LONP2: variants seen among roughly 807,000 people sequenced by gnomAD.
LONP2 encodes lon protease homolog 2, peroxisomal.
A neutral mutation model predicts 85.6 loss-of-function variants in LONP2; 60 were observed. The ratio of observed to expected loss-of-function variants is 0.70; its 90% confidence interval spans 0.57 to 0.87. The LOEUF (loss-of-function observed/expected upper bound fraction) is 0.87. Ranked by LOEUF, LONP2 falls within the 40% of genes least tolerant of loss-of-function variation. The pLI, the probability that LONP2 is intolerant of heterozygous loss-of-function variation, is 0.00. For missense variants in LONP2, 860 were observed against 1,063.5 expected (o/e 0.81, Z 2.66); for synonymous variants, 395 against 389.7 (o/e 1.01, Z -0.16).
At chr16:48,255,571 T>C (rs931423124) in intron 2 of LONP2, among the ~76,000 whole-genome samples, 1 of 152,212 alleles carries the variant, frequency 6.6e-6, no homozygotes, top group Non-Finnish European at 1.5e-5. Flanking sequence ...TTCACAGTGC[T>C]CAGATTCTAG....
rs151116774 is a variant in LONP2, at chr16:48,303,290, G to T, written c.1780G>T (p.Val594Leu). Residue 594 changes from valine (V) to leucine (L), a missense_variant, in exon 11 of 15, where the codon GTG becomes TTG. Physicochemically the swap from Val to Leu is conservative, Grantham distance 32. This residue lies in a region of LONP2 where 743 missense variants were observed against 917.3 expected (regional missense o/e 0.81). Coordinates refer to ENST00000285737, the MANE Select transcript of LONP2 (RefSeq NM_031490.5). ...HKEAKLDRSD[V>L]TEREGCREHI... ...GGAAGCCAAGTTGGACCGTTCTGATGTGACTGAGAGAGAAGGTTGGTGACC... is the reference window on the plus strand; with the variant it reads ...GGAAGCCAAGTTGGACCGTTCTGATTTGACTGAGAGAGAAGGTTGGTGACC... The T allele has an allele frequency of 8.7e-6, 14 of 1,613,350 alleles. No individual in the cohort carries two copies. In the African/African-American group the frequency reaches 1.9e-4, roughly 22 times the overall value.
intron 1 of LONP2, among the ~76,000 whole-genome samples, chr16:48,251,912 G>A (rs1297557246): frequency 1.3e-5 from 2 of 152,080 alleles, no homozygotes; most frequent in African/African-American, 2.4e-5. Flanking sequence ...TTTTAAAAGA[G>A]GTGCAGATTA....
At chr16:48,345,093 C>CA (rs1959921347) in intron 12 of LONP2, 1 of 152,154 alleles carries the variant, frequency 6.6e-6, no homozygotes, top group South Asian at 2.1e-4. Context: ...TGGTGGCACA[C>CA]ACCTGTAATC....
chr16:48,252,118 G>A lies in LONP2; in HGVS notation c.234-13G>A, dbSNP rs763441586. 2 of 1,543,902 alleles carry A rather than the reference G, an allele frequency of 1.3e-6. No homozygotes were observed. Among genetic ancestry groups the A allele is most frequent in the Admixed American group, 1.9e-5 (1 of 52,450 alleles). On this transcript the variant is annotated splice_polypyrimidine_tract_variant and intron_variant, in intron 1 of 14. Transcript: ENST00000285737. ...TGAATGTTTGTAATACCGATGTTTTGTGTGTTTTTCAGGATTGGCACAGCT... is the reference window on the plus strand; with the variant it reads ...TGAATGTTTGTAATACCGATGTTTTATGTGTTTTTCAGGATTGGCACAGCT...
chr16:48,362,530 C>T lies in LONP2; in HGVS notation c.*667C>T. ...CCATAAGTCCTTTTAAAGTTTCATA[C>T]AAAATTTACTGAGCAAAAGAGGAAG... On this transcript the variant is annotated 3_prime_UTR_variant, in exon 5 of 5. Transcript: ENST00000565867. This position sits in a 1 kb window ranked among gnomAD's most constrained non-coding sequence, Gnocchi z 4.2. The T allele has an allele frequency of 1.6e-6, 2 of 1,227,302 alleles. No homozygotes were observed. Among genetic ancestry groups the T allele is most frequent in the South Asian group, 1.5e-5 (1 of 68,580 alleles). 76.0% of individuals were successfully genotyped at this position (1,227,302 alleles called of 1,614,324 possible).
At chr16:48,298,476 C>CAT (rs531166126) in intron 9 of LONP2, among the ~76,000 whole-genome samples, 102 of 150,468 alleles carry the variant, frequency 6.8e-4, no homozygotes, top group Admixed American at 1.4e-3. Flanking sequence ...CACACACACA[C>CAT]ATATATATAT....
chr16:48,248,150 G>T (rs902987932), intron 1 of LONP2, among the ~76,000 whole-genome samples: 1 of 151,728 alleles, frequency 6.6e-6, no homozygotes, highest in African/African-American at 2.4e-5. Flanking sequence ...TTGAGACAGG[G>T]TCTCACTCTG....
chr16:48,362,598 T>G lies in LONP2; in HGVS notation c.*735T>G, dbSNP rs1046502891. ...AGATATTAAAAAAATAAAATTACAC[T>G]GAATGTGCACTTTATTAGGATCTGT... On this transcript the variant is annotated 3_prime_UTR_variant, in exon 5 of 5. Coordinates refer to the LONP2 transcript ENST00000565867. This position sits in a 1 kb window ranked among gnomAD's most constrained non-coding sequence, Gnocchi z 4.2. The G allele has an allele frequency of 1.5e-6, 1 of 670,640 alleles. No individual in the cohort carries two copies. The highest frequency in any genetic ancestry group is 1.8e-5 in the African/African-American group (1 of 54,872). 41.5% of individuals were successfully genotyped at this position (670,640 alleles called of 1,614,324 possible).
chr16:48,276,476 T>C (rs1010352177), intron 7 of LONP2, among the ~76,000 whole-genome samples: 3 of 152,196 alleles, frequency 2.0e-5, no homozygotes, highest in Non-Finnish European at 2.9e-5. Context: ...GACAGCAGGG[T>C]TATAATTAAA....
In LONP2 at chr16:48,276,444, A is replaced by G. The variant is rs1340936400; in HGVS notation, c.1242-894A>G. ...CAGGCTTTTATGCCTTTTCAGAGAC[A>G]GCATTTGCTTTGCACAACATAGACA... On this transcript the variant is annotated intron_variant, in intron 7 of 14. Transcript: ENST00000285737. Among the ~76,000 whole-genome samples, 2 of 152,228 alleles carry G rather than the reference A, an allele frequency of 1.3e-5. 1 individual carries two copies. Among genetic ancestry groups the G allele is most frequent in the South Asian group, 4.1e-4 (2 of 4,830 alleles).
chr16:48,338,206 A>G (rs549768342), intron 12 of LONP2, among the ~76,000 whole-genome samples: 1 of 152,320 alleles, frequency 6.6e-6, no homozygotes, highest in East Asian at 1.9e-4. Flanking sequence ...TCATTTAATA[A>G]ATACCTATTA....
intron 8 of LONP2, among the ~76,000 whole-genome samples, chr16:48,285,970 C>T (rs755048273): frequency 3.9e-5 from 6 of 152,114 alleles, no homozygotes; most frequent in Admixed American, 6.5e-5. Context: ...CAGTCCCTGG[C>T]AGCTACCATT....
intron 8 of LONP2, among the ~76,000 whole-genome samples, chr16:48,294,231 G>A (rs753990423): frequency 2.6e-5 from 4 of 152,076 alleles, no homozygotes; most frequent in Non-Finnish European, 5.9e-5. Flanking sequence ...GTGAGCCACC[G>A]TGCCCGGCCT....
intron 8 of LONP2, among the ~76,000 whole-genome samples, chr16:48,286,254 G>A (rs969645034): frequency 2.0e-5 from 3 of 148,008 alleles, no homozygotes; most frequent in East Asian, 2.0e-4. Context: ...CCATTCTCCC[G>A]CCTCAGCCTC....
Position 48,294,618 on chromosome 16 carries a change from T to C in LONP2, c.1384-1397T>C, listed in dbSNP as rs190324544. Among the ~76,000 whole-genome samples the C allele has an allele frequency of 8.3e-3, 1,262 of 152,038 alleles. 11 individuals are homozygous for C. The highest frequency in any genetic ancestry group is 0.014 in the Non-Finnish European group (958 of 67,982). ...CCATCTCTACTAAAATTGCAAAAATTAGCCAGGTGGGGTGGTACGCACCTG... is the reference window on the plus strand; with the variant it reads ...CCATCTCTACTAAAATTGCAAAAATCAGCCAGGTGGGGTGGTACGCACCTG... On this transcript the variant is annotated intron_variant, in intron 8 of 14. Transcript: ENST00000285737.
intron 1 of LONP2, chr16:48,247,491 T>C (rs112392881): frequency 0.047 from 7,144 of 152,416 alleles, 233 homozygotes; most frequent in Middle Eastern, 0.14. Context: ...CCTCTGCCAC[T>C]TCCTTGGTGG....
intron 7 of LONP2, among the ~76,000 whole-genome samples, chr16:48,273,332 C>G (rs776309656): frequency 3.3e-5 from 5 of 152,046 alleles, no homozygotes; most frequent in Non-Finnish European, 7.4e-5. Context: ...TAAAAACAAG[C>G]AAAGATATGT....
In LONP2 at chr16:48,303,289, T is replaced by C. The variant is rs142998935; in HGVS notation, c.1779T>C (p.Asp593=). Residue 593 remains aspartate (D), a synonymous_variant, in exon 11 of 15, where the codon GAT becomes GAC. Transcript: ENST00000285737. ...QHKEAKLDRS[D]VTEREGCREH... ...AGGAAGCCAAGTTGGACCGTTCTGA[T>C]GTGACTGAGAGAGAAGGTTGGTGAC... 474 of 1,613,954 alleles carry C rather than the reference T, an allele frequency of 2.9e-4. No individual in the cohort carries two copies. In the African/African-American group the frequency reaches 5.0e-3, roughly 17 times the overall value.
At chr16:48,333,123 T>G (rs1959512030) in intron 11 of LONP2, among the ~76,000 whole-genome samples, 1 of 152,020 alleles carries the variant, frequency 6.6e-6, no homozygotes, top group African/African-American at 2.4e-5. Flanking sequence ...AAGTATTTCC[T>G]GCAGTTTTAA....
Sources: gnomAD v4.1 joint callset for allele counts (sites outside exome capture counted in the v4.1 genomes callset) on GRCh38, gnomAD v4.1.1 for gene constraint, gnomAD v4.1.1 regional missense constraint, Gnocchi (gnomAD v3.1) non-coding constraint, MANE v1.5 for transcripts, NCBI Gene and HGNC (gene_info 2026-07-23, HGNC 2026-07-21) for gene names.